The following EYS variants were observed in gnomAD, a reference collection of about 807,000 sequenced individuals.
EYS encodes protein eyes shut homolog.
A neutral mutation model predicts 282.1 loss-of-function variants in EYS; 250 were observed. The observed-to-expected ratio is 0.89, with a 90% CI of 0.80 to 0.98. The LOEUF (loss-of-function observed/expected upper bound fraction) is 0.98. Among genes scored for constraint, EYS ranks in the 50% least tolerant of loss-of-function variants. The pLI, the probability that EYS is intolerant of heterozygous loss-of-function variation, is 0.00. For missense variants in EYS, 4,016 were observed against 3,709.0 expected, an observed-to-expected ratio of 1.08 and a Z score of -2.15; for synonymous variants, 1,355 against 1,282.9, an observed-to-expected ratio of 1.06 and a Z score of -1.20.
intron 2 of EYS, among the ~76,000 whole-genome samples, chr6:65,535,871 G>T (rs1024698281): frequency 1.3e-5 from 2 of 152,076 alleles, no homozygotes; most frequent in Non-Finnish European, 2.9e-5. Context: ...TATCTGAGCA[G>T]CCCAGGGCAT....
chr6:64,843,040 T>C (rs1765612590), intron 19 of EYS, among the ~76,000 whole-genome samples: 1 of 152,066 alleles, frequency 6.6e-6, no homozygotes, highest in South Asian at 2.1e-4. Flanking sequence ...AGACCCAGAA[T>C]GCTAGAAGGA....
chr6:64,149,100 C>T (rs577431197), intron 31 of EYS, among the ~76,000 whole-genome samples: 1 of 152,242 alleles, frequency 6.6e-6, no homozygotes, highest in Non-Finnish European at 1.5e-5. Flanking sequence ...ACATAGATAT[C>T]ATTTTTCAGC....
intron 12 of EYS, among the ~76,000 whole-genome samples, chr6:65,237,998 A>T (rs569532844): frequency 3.9e-5 from 6 of 152,162 alleles, no homozygotes; most frequent in Admixed American, 3.9e-4. Context: ...AAAACCATAA[A>T]GTACAGTTCT....
At chr6:65,109,455 C>T (rs1249331006) in intron 12 of EYS, among the ~76,000 whole-genome samples, 3 of 151,744 alleles carry the variant, frequency 2.0e-5, no homozygotes, top group African/African-American at 2.4e-5. Flanking sequence ...TTTACTTGGG[C>T]GGTAGCTCCT....
intron 19 of EYS, among the ~76,000 whole-genome samples, chr6:64,885,670 A>G (rs1035398474): frequency 1.3e-5 from 2 of 151,804 alleles, no homozygotes; most frequent in Admixed American, 1.3e-4. Flanking sequence ...TTTTTGGGAA[A>G]TATTAACTTA....
At chr6:64,641,977 A>G (rs1768174162) in intron 22 of EYS, among the ~76,000 whole-genome samples, 1 of 152,194 alleles carries the variant, frequency 6.6e-6, no homozygotes, top group African/African-American at 2.4e-5. Flanking sequence ...CCCTGGTGCC[A>G]AAAAGGTTGG....
chr6:63,811,415 T>G (rs1771043343), intron 36 of EYS, among the ~76,000 whole-genome samples: 1 of 152,252 alleles, frequency 6.6e-6, no homozygotes, highest in Non-Finnish European at 1.5e-5. Context: ...ACAAGGTTGA[T>G]TATTTCTTTT....
At chr6:65,612,107 C>T (rs1273576584) in intron 2 of EYS, among the ~76,000 whole-genome samples, 8 of 151,576 alleles carry the variant, frequency 5.3e-5, no homozygotes, top group Non-Finnish European at 1.2e-4. Flanking sequence ...ATTATTTAGA[C>T]ATAGCCAGCA....
chr6:65,174,649 T>G (rs958777979), intron 12 of EYS, among the ~76,000 whole-genome samples: 1 of 151,364 alleles, frequency 6.6e-6, no homozygotes, highest in African/African-American at 2.4e-5. Flanking sequence ...CAATGAATTT[T>G]AAAACCAGAA....
chr6:65,345,844 G>A (rs1387451795), intron 9 of EYS, among the ~76,000 whole-genome samples: 1 of 151,512 alleles, frequency 6.6e-6, no homozygotes, highest in Middle Eastern at 3.4e-3. Context: ...TAGCAGAAAG[G>A]CTACAGCCAA....
intron 12 of EYS, among the ~76,000 whole-genome samples, chr6:65,197,286 T>G (rs573749005): frequency 4.6e-5 from 7 of 152,196 alleles, no homozygotes; most frequent in African/African-American, 1.7e-4. Context: ...ATTGGTGTGA[T>G]TAGACAAAAG....
At chr6:65,149,442 C>T (rs1000482753) in intron 12 of EYS, among the ~76,000 whole-genome samples, 1 of 152,166 alleles carries the variant, frequency 6.6e-6, no homozygotes. Flanking sequence ...TTGTCCAAAT[C>T]ACTATTAGCA....
At chr6:64,878,213 G>A (rs574824882) in intron 19 of EYS, among the ~76,000 whole-genome samples, 8 of 152,134 alleles carry the variant, frequency 5.3e-5, no homozygotes, top group Middle Eastern at 3.4e-3. Context: ...CGACAACAGC[G>A]AGACTCCATC....
chr6:64,828,042 T>A (rs1583199864), intron 19 of EYS, among the ~76,000 whole-genome samples: 1 of 151,842 alleles, frequency 6.6e-6, no homozygotes, highest in East Asian at 1.9e-4. Context: ...GATGACTGAA[T>A]CTATGAGGAA....
chr6:64,296,919 T>C (rs1769050653), intron 30 of EYS, among the ~76,000 whole-genome samples: 1 of 152,214 alleles, frequency 6.6e-6, no homozygotes, highest in East Asian at 1.9e-4. Context: ...ATATTTTTGA[T>C]GTAACTATTT....
intron 39 of EYS, chr6:63,787,490 A>C (rs2149669953): frequency 6.6e-6 from 1 of 152,390 alleles, no homozygotes; most frequent in Admixed American, 6.5e-5. Context: ...CCTTTAAATC[A>C]TGCTCTCCAT....
At chr6:65,073,457 A>T (rs1226961014) in intron 12 of EYS, among the ~76,000 whole-genome samples, 2 of 151,774 alleles carry the variant, frequency 1.3e-5, no homozygotes, top group Admixed American at 6.6e-5. Context: ...AGCAGCAGAG[A>T]TCAATATGAG....
At chr6:65,609,130 C>T (rs896828890) in intron 2 of EYS, among the ~76,000 whole-genome samples, 3 of 151,952 alleles carry the variant, frequency 2.0e-5, no homozygotes, top group African/African-American at 7.2e-5. Flanking sequence ...TTTTGTATGA[C>T]TGGCAGAGCA....
intron 22 of EYS, among the ~76,000 whole-genome samples, chr6:64,655,102 T>C (rs1471686168): frequency 6.6e-6 from 1 of 152,182 alleles, no homozygotes; most frequent in East Asian, 1.9e-4. Context: ...CATGTAATCA[T>C]TGCTCACCTG....
Sources: allele counts gnomAD v4.1 joint callset (sites outside exome capture counted in the v4.1 genomes callset), GRCh38; gene constraint gnomAD v4.1.1; transcripts MANE v1.5; gene names NCBI Gene and HGNC (gene_info 2026-07-23, HGNC 2026-07-21).